HS3ST4: variants seen among roughly 807,000 people sequenced by gnomAD.
HS3ST4 encodes the protein heparan sulfate-glucosamine 3-sulfotransferase 4.
In HS3ST4, 17 loss-of-function variants were observed where a neutral mutation model predicts 29.2. The ratio of observed to expected loss-of-function variants is 0.58; its 90% CI spans 0.40 to 0.87. The LOEUF (loss-of-function observed/expected upper bound fraction) is 0.87. HS3ST4 is among the 40% of genes least tolerant of loss of function. HS3ST4 has a pLI of 0.00. For synonymous variants in HS3ST4, 314 were observed against 285.7 expected, an observed-to-expected ratio of 1.10 and a Z score of -1.00; for missense variants, 627 against 634.5, an observed-to-expected ratio of 0.99 and a Z score of 0.13.
At chr16:26,132,652 T>A (rs888012609) in intron 1 of HS3ST4, among the ~76,000 whole-genome samples, 2 of 152,070 alleles carry the variant, frequency 1.3e-5, no homozygotes, top group African/African-American at 4.8e-5. Flanking sequence ...GTAAAGGAGA[T>A]GAATTTGAAT....
intron 1 of HS3ST4, among the ~76,000 whole-genome samples, chr16:26,036,813 G>A (rs185120693): frequency 6.6e-6 from 1 of 152,154 alleles, no homozygotes; most frequent in Admixed American, 6.5e-5. Flanking sequence ...AAACTATCTA[G>A]AACAAAAGGA....
chr16:25,774,391 A>C (rs1214805021), intron 1 of HS3ST4, among the ~76,000 whole-genome samples: 1 of 152,214 alleles, frequency 6.6e-6, no homozygotes, highest in Non-Finnish European at 1.5e-5. Context: ...TCAGAAGATT[A>C]AGCAACTATC....
chr16:25,699,005 C>G (rs1388616823), intron 1 of HS3ST4, among the ~76,000 whole-genome samples: 2 of 152,216 alleles, frequency 1.3e-5, no homozygotes, highest in South Asian at 2.1e-4. Flanking sequence ...GTAAGAGAAA[C>G]TGGAAATCCA....
At chr16:25,808,795 G>T (rs1967014436) in intron 1 of HS3ST4, among the ~76,000 whole-genome samples, 1 of 151,518 alleles carries the variant, frequency 6.6e-6, no homozygotes, top group South Asian at 2.1e-4. Flanking sequence ...ACTTTTATTG[G>T]CATTTTATAA....
intron 1 of HS3ST4, among the ~76,000 whole-genome samples, chr16:25,955,116 A>T (rs1968716997): frequency 6.6e-6 from 1 of 152,076 alleles, no homozygotes; most frequent in South Asian, 2.1e-4. Context: ...TATTTCGGTA[A>T]ACTCTGCTAC....
chr16:25,746,507 C>A (rs913120932), intron 1 of HS3ST4, among the ~76,000 whole-genome samples: 1 of 150,308 alleles, frequency 6.7e-6, no homozygotes, highest in African/African-American at 2.4e-5. Context: ...AGAAAGAAGG[C>A]GATAAAACTT....
At chr16:25,958,785 C>T (rs988845678) in intron 1 of HS3ST4, among the ~76,000 whole-genome samples, 3 of 152,164 alleles carry the variant, frequency 2.0e-5, no homozygotes, top group African/African-American at 7.2e-5. Context: ...TTCCACGGAG[C>T]TTCTCCTCAT....
chr16:26,048,643 A>AT (rs1898297868), intron 1 of HS3ST4, among the ~76,000 whole-genome samples: 1 of 152,114 alleles, frequency 6.6e-6, no homozygotes, highest in Non-Finnish European at 1.5e-5. Flanking sequence ...CCTGGGCAAC[A>AT]TAGTGAGACC....
At chr16:25,994,804 A>G (rs1477551172) in intron 1 of HS3ST4, among the ~76,000 whole-genome samples, 1 of 152,226 alleles carries the variant, frequency 6.6e-6, no homozygotes, top group Non-Finnish European at 1.5e-5. Flanking sequence ...AGAGTAAGAG[A>G]AAGAAAGCTC....
chr16:25,995,520 A>G lies in HS3ST4; in HGVS notation c.735-140092A>G, dbSNP rs574176556. On this transcript the variant is annotated intron_variant, in intron 1 of 1. Coordinates refer to ENST00000331351, the MANE Select transcript of HS3ST4 (RefSeq NM_006040.3). ...CCAACAATTCCACTGAAAACTTAAA[A>G]TGGACTGTACTAGGAGCAACCAGAG... Among the ~76,000 whole-genome samples, 3 of 152,282 alleles carry G rather than the reference A, an allele frequency of 2.0e-5. No individual in the cohort carries two copies. The East Asian group carries it at 5.8e-4, about 29-fold the overall frequency.
intron 1 of HS3ST4, among the ~76,000 whole-genome samples, chr16:26,110,867 C>A (rs1253271016): frequency 6.6e-6 from 1 of 152,066 alleles, no homozygotes; most frequent in Non-Finnish European, 1.5e-5. Flanking sequence ...TTCTTGTCTG[C>A]GTGCACAACA....
intron 1 of HS3ST4, among the ~76,000 whole-genome samples, chr16:25,761,966 A>C (rs1334855788): frequency 1.3e-5 from 2 of 152,166 alleles, no homozygotes; most frequent in Admixed American, 1.3e-4. Context: ...TTCCCCCGAA[A>C]TTCATAGTTT....
chr16:25,981,407 C>A (rs535029666), intron 1 of HS3ST4, among the ~76,000 whole-genome samples: 1 of 151,764 alleles, frequency 6.6e-6, no homozygotes, highest in East Asian at 1.9e-4. Context: ...ATGAAAGGTG[C>A]GAGTTATTTG....
intron 1 of HS3ST4, among the ~76,000 whole-genome samples, chr16:25,724,247 G>A (rs543029139): frequency 6.6e-6 from 1 of 152,122 alleles, no homozygotes; most frequent in East Asian, 1.9e-4. Context: ...ATACAGAAGA[G>A]CCATCTTTTT....
chr16:25,948,441 T>C (rs539801911), intron 1 of HS3ST4, among the ~76,000 whole-genome samples: 1 of 152,248 alleles, frequency 6.6e-6, no homozygotes, highest in East Asian at 1.9e-4. Flanking sequence ...TCTTCCCCTG[T>C]GTGTGTTCTC....
chr16:25,731,672 C>T (rs902896802), intron 1 of HS3ST4, among the ~76,000 whole-genome samples: 9 of 152,120 alleles, frequency 5.9e-5, no homozygotes, highest in African/African-American at 1.9e-4. Context: ...TAGGATATTC[C>T]AAGGGTTCAG....
At chr16:25,986,781 T>C (rs1969068026) in intron 1 of HS3ST4, among the ~76,000 whole-genome samples, 1 of 152,170 alleles carries the variant, frequency 6.6e-6, no homozygotes, top group South Asian at 2.1e-4. Flanking sequence ...AAGGGAGGCA[T>C]GGTGGCGCTT....
chr16:25,981,609 CTTTTTTTTTT>C (rs376892231), intron 1 of HS3ST4, among the ~76,000 whole-genome samples: 1 of 136,826 alleles, frequency 7.3e-6, no homozygotes, highest in Non-Finnish European at 1.5e-5. Flanking sequence ...TGGTGGAGTT[CTTTTTTTTTT>C]TTTTTTTAGA....
At chr16:26,091,641 T>C (rs1567310177) in intron 1 of HS3ST4, among the ~76,000 whole-genome samples, 1 of 152,130 alleles carries the variant, frequency 6.6e-6, no homozygotes, top group Non-Finnish European at 1.5e-5. Context: ...TATATAGATA[T>C]CATATCCTGG....
Sources: allele counts gnomAD v4.1 joint callset (sites outside exome capture counted in the v4.1 genomes callset), GRCh38; gene constraint gnomAD v4.1.1; transcripts MANE v1.5; gene names NCBI Gene and HGNC (gene_info 2026-07-23, HGNC 2026-07-21).